TRIP12: variants seen among roughly 807,000 people sequenced by gnomAD.
TRIP12 encodes the protein thyroid hormone receptor interactor 12.
TRIP12 carries 25 observed loss-of-function variants against 244.2 expected under a neutral mutation model. That is an observed-to-expected ratio of 0.10 (90% CI 0.07 to 0.14). TRIP12 has a LOEUF of 0.14. Ranked by LOEUF, TRIP12 falls within the 10% of genes least tolerant of loss-of-function variation. The pLI is 1.00. For missense variants in TRIP12, 1,677 were observed against 2,486.4 expected (o/e 0.67, Z 6.92); for synonymous variants, 905 against 873.1 (o/e 1.04, Z -0.64).
chr2:229,839,596 G>A (rs1032321326), intron 5 of TRIP12, among the ~76,000 whole-genome samples: 1 of 151,882 alleles, frequency 6.6e-6, no homozygotes, highest in South Asian at 2.1e-4. Context: ...GGAGAATGGC[G>A]TGAACCCGGG....
At chr2:229,855,476 T>C (rs1296428609) in intron 4 of TRIP12, among the ~76,000 whole-genome samples, 1 of 151,962 alleles carries the variant, frequency 6.6e-6, no homozygotes, top group Non-Finnish European at 1.5e-5. Context: ...CCACATAGTA[T>C]TCATCTCTAA....
intron 4 of TRIP12, among the ~76,000 whole-genome samples, chr2:229,850,306 A>G (rs1327249311): frequency 1.3e-5 from 2 of 152,224 alleles, no homozygotes; most frequent in East Asian, 3.9e-4. Flanking sequence ...GTTTTTTTAA[A>G]GCCTCAAAAA....
At chr2:229,814,211 C>T (rs1559586894) in intron 12 of TRIP12, 22 bp downstream of exon 12, 1 of 1,607,410 alleles carries the variant, frequency 6.2e-7, no homozygotes, top group African/African-American at 1.3e-5. Flanking sequence ...GAAATGTAGT[C>T]CCCTTCAGTA....
At chr2:229,768,516 G>T in intron 41 of TRIP12, 100 bp downstream of exon 41, 1 of 1,049,228 alleles carries the variant, frequency 9.5e-7, no homozygotes, top group Non-Finnish European at 1.4e-6. Flanking sequence ...AAGAGGCACT[G>T]CAAGTGAGAT....
At chr2:229,776,656 T>C (rs1005214345) in intron 37 of TRIP12, among the ~76,000 whole-genome samples, 1 of 152,212 alleles carries the variant, frequency 6.6e-6, no homozygotes, top group African/African-American at 2.4e-5. Flanking sequence ...TTGATTAATA[T>C]TGGTCCATGT....
chr2:229,880,653 C>A (rs563242959), intron 1 of TRIP12, among the ~76,000 whole-genome samples: 1 of 152,174 alleles, frequency 6.6e-6, no homozygotes, highest in African/African-American at 2.4e-5. Flanking sequence ...TAAATACAAA[C>A]AAAATCGTGG....
At chr2:229,867,261 G>A (rs544011125) in intron 2 of TRIP12, among the ~76,000 whole-genome samples, 1 of 151,230 alleles carries the variant, frequency 6.6e-6, no homozygotes, top group African/African-American at 2.4e-5. Context: ...TGCCTCCTGG[G>A]TTCAAGAGAT....
intron 33 of TRIP12, among the ~76,000 whole-genome samples, 174 bp downstream of exon 33, chr2:229,787,327 TAATG>T (rs1372663911): frequency 1.1e-4 from 16 of 152,150 alleles, no homozygotes; most frequent in Non-Finnish European, 2.4e-4. Flanking sequence ...GAGAAACTCT[TAATG>T]AAGAATAAGG....
At chr2:229,864,553 GC>G (rs1226254050) in intron 2 of TRIP12, among the ~76,000 whole-genome samples, 1 of 151,304 alleles carries the variant, frequency 6.6e-6, no homozygotes, top group Non-Finnish European at 1.5e-5. Flanking sequence ...AATTATTTCT[GC>G]CAGATTTTCA....
intron 2 of TRIP12, among the ~76,000 whole-genome samples, chr2:229,866,619 T>C (rs1384966678): frequency 6.6e-6 from 1 of 152,176 alleles, no homozygotes; most frequent in Non-Finnish European, 1.5e-5. Context: ...AGAACCATTG[T>C]ACTAAGCTAC....
In TRIP12 at chr2:229,765,135, C is replaced by T. The variant is rs2031377432; in HGVS notation, c.*2419G>A. On this transcript the variant is annotated 3_prime_UTR_variant, in exon 42 of 42. Coordinates refer to ENST00000675903, the MANE Select transcript of TRIP12 (RefSeq NM_001348323.3). Reference sequence around the variant, plus strand: ...TTCTCATATATAAAGCAGATCGAATCAGTAACTGTCTAAATGACAACACAA... The same window carrying T: ...TTCTCATATATAAAGCAGATCGAATTAGTAACTGTCTAAATGACAACACAA... The T allele has an allele frequency of 6.6e-6, 1 of 152,172 alleles. No individual in the cohort carries two copies. Among genetic ancestry groups the T allele is most frequent in the African/African-American group, 2.4e-5 (1 of 41,434 alleles). 9.4% of individuals were successfully genotyped at this position (152,172 alleles called of 1,614,324 possible). A position where few individuals can be genotyped will look rare whatever the true frequency, so the allele number is the denominator to read the frequency against.
chr2:229,812,528 G>A (rs1474970863), intron 13 of TRIP12, among the ~76,000 whole-genome samples: 1 of 152,040 alleles, frequency 6.6e-6, no homozygotes, highest in Non-Finnish European at 1.5e-5. Context: ...TTATTTGGTC[G>A]GGTGCCATGG....
chr2:229,830,355 C>T (rs1471875975), intron 7 of TRIP12, among the ~76,000 whole-genome samples: 2 of 152,170 alleles, frequency 1.3e-5, no homozygotes. Context: ...AAATAACTCC[C>T]ACATTCTTAG....
At chr2:229,864,047 A>AGTGTGAGTGTGT (rs2061028216) in intron 2 of TRIP12, among the ~76,000 whole-genome samples, 3 of 79,320 alleles carry the variant, frequency 3.8e-5, no homozygotes, top group Admixed American at 1.3e-4. Context: ...AGAGAGAGAG[A>AGTGTGAGTGTGT]GTGTGTGTGT....
At chr2:229,872,409 C>CAA (rs1251818072) in intron 2 of TRIP12, among the ~76,000 whole-genome samples, 21 of 152,038 alleles carry the variant, frequency 1.4e-4, no homozygotes, top group Non-Finnish European at 2.9e-4. Context: ...ACTAAAAATA[C>CAA]AAAAATTAGC....
chr2:229,859,155 G>A lies in TRIP12; in HGVS notation c.644C>T (p.Ala215Val), dbSNP rs374836613. ...SESTGAEERS[A>V]KPTKLASKSA... is the part of the protein sequence containing the mutation. ...TTTTGAAGCCAGCTTGGTAGGTTTC[G>A]CAGATCTCTCTTCTGCACCAGTTGA... Residue 215 changes from alanine to valine, a missense_variant, in exon 4 of 42, where the codon GCG becomes GTG. Coordinates refer to ENST00000675903, the MANE Select transcript of TRIP12 (RefSeq NM_001348323.3). 2.8e-5 allele frequency: 45 copies of A among 1,613,984 alleles called. No homozygotes were observed. The highest frequency in any genetic ancestry group is 3.3e-5 in the Non-Finnish European group (39 of 1,180,028).
At chr2:229,875,220 C>T (rs185782673) in intron 2 of TRIP12, among the ~76,000 whole-genome samples, 17 of 152,252 alleles carry the variant, frequency 1.1e-4, no homozygotes, top group Admixed American at 8.5e-4. Context: ...AAAAGGAGAG[C>T]AGAGGTAAAA....
intron 1 of TRIP12, among the ~76,000 whole-genome samples, chr2:229,920,672 C>G (rs2076340433): frequency 6.6e-6 from 1 of 152,194 alleles, no homozygotes; most frequent in Non-Finnish European, 1.5e-5. Context: ...CGTAAGGTAA[C>G]CAATTCCCTC....
chr2:229,880,944 A>G (rs371779892), intron 1 of TRIP12, among the ~76,000 whole-genome samples: 2 of 152,230 alleles, frequency 1.3e-5, no homozygotes, highest in East Asian at 3.8e-4. Flanking sequence ...ACTCCACCTC[A>G]AAACTAAACA....
Sources: gnomAD v4.1 joint callset for allele counts (sites outside exome capture counted in the v4.1 genomes callset) on GRCh38, gnomAD v4.1.1 for gene constraint, MANE v1.5 for transcripts, NCBI Gene and HGNC (gene_info 2026-07-23, HGNC 2026-07-21) for gene names.